The following SESN1 variants were observed in gnomAD, a reference collection of about 807,000 sequenced individuals.
The protein encoded by SESN1 is sestrin 1.
SESN1 carries 30 observed loss-of-function variants against 59.3 expected under a neutral mutation model. The observed-to-expected ratio is 0.51, with a 90% confidence interval of 0.38 to 0.69. The LOEUF (loss-of-function observed/expected upper bound fraction) is 0.69. Among genes scored for constraint, SESN1 ranks in the 30% least tolerant of loss-of-function variants. The pLI is 0.00. For missense variants in SESN1, 566 were observed against 673.0 expected, an observed-to-expected ratio of 0.84 and a Z score of 1.76; for synonymous variants, 197 against 219.9, an observed-to-expected ratio of 0.90 and a Z score of 0.92.
intron 6 of SESN1, among the ~76,000 whole-genome samples, chr6:108,994,106 C>A (rs1779449771): frequency 7.1e-6 from 1 of 141,262 alleles, no homozygotes; most frequent in Non-Finnish European, 1.5e-5. Flanking sequence ...CGCCACTGCA[C>A]TTCAGCCTGG....
At chr6:109,053,267 G>T (rs1260471972) in intron 1 of SESN1, among the ~76,000 whole-genome samples, 1 of 152,100 alleles carries the variant, frequency 6.6e-6, no homozygotes, top group East Asian at 1.9e-4. Context: ...AGAAATTGGG[G>T]CTCAGAGATA....
chr6:109,012,659 G>A (rs994979213), intron 1 of SESN1, among the ~76,000 whole-genome samples: 1 of 152,152 alleles, frequency 6.6e-6, no homozygotes, highest in African/African-American at 2.4e-5. Context: ...AGAAAATTTG[G>A]GGGAGAGTTT....
At chr6:109,030,460 C>A (rs1157461212) in intron 1 of SESN1, among the ~76,000 whole-genome samples, 2 of 152,094 alleles carry the variant, frequency 1.3e-5, no homozygotes, top group Non-Finnish European at 2.9e-5. Context: ...TCCAATGTAT[C>A]AATAGATGAG....
At chr6:109,061,774 A>G (rs1009534944) in intron 1 of SESN1, among the ~76,000 whole-genome samples, 1 of 152,236 alleles carries the variant, frequency 6.6e-6, no homozygotes, top group Non-Finnish European at 1.5e-5. Context: ...ACTGCACTCC[A>G]GCCTGGGCAA....
At chr6:109,083,631 A>C (rs1364049701) in intron 1 of SESN1, among the ~76,000 whole-genome samples, 1 of 152,222 alleles carries the variant, frequency 6.6e-6, no homozygotes, top group Non-Finnish European at 1.5e-5. Flanking sequence ...TTCAATGAGA[A>C]AGTAGATACA....
At chr6:109,001,240 G>T in intron 3 of SESN1, 48 bp downstream of exon 3, 1 of 1,494,836 alleles carries the variant, frequency 6.7e-7, no homozygotes, top group Non-Finnish European at 9.3e-7. Context: ...CTCTTAAAGA[G>T]ATTAATAAAA....
chr6:108,990,107 G>A (rs1468871904), intron 8 of SESN1, among the ~76,000 whole-genome samples: 3 of 152,212 alleles, frequency 2.0e-5, no homozygotes, highest in Non-Finnish European at 4.4e-5. Context: ...CAGAGTTTGT[G>A]TGCATGTGTG....
intron 1 of SESN1, among the ~76,000 whole-genome samples, chr6:109,062,457 T>C (rs930867471): frequency 1.3e-5 from 2 of 152,212 alleles, no homozygotes; most frequent in African/African-American, 2.4e-5. Flanking sequence ...ACTATTCAAT[T>C]TGGCTTACTC....
At chr6:108,987,806 C>CTTTTTTTTTT (rs3029194) in intron 9 of SESN1, among the ~76,000 whole-genome samples, 176 bp from the exon 10 acceptor site, 15 of 135,584 alleles carry the variant, frequency 1.1e-4, no homozygotes, top group South Asian at 2.3e-4. Context: ...CAGCAGCTAT[C>CTTTTTTTTTT]TTTTTTTTTT....
At chr6:109,053,530 G>C (rs997631747) in intron 1 of SESN1, among the ~76,000 whole-genome samples, 1 of 152,144 alleles carries the variant, frequency 6.6e-6, no homozygotes, top group African/African-American at 2.4e-5. Flanking sequence ...AAATTAAAGT[G>C]GGAACAACAG....
At chr6:109,082,117 C>T (rs1781131286) in intron 1 of SESN1, among the ~76,000 whole-genome samples, 1 of 152,156 alleles carries the variant, frequency 6.6e-6, no homozygotes, top group Admixed American at 6.5e-5. Flanking sequence ...GAGACTAACT[C>T]AGTGTAAGGG....
chr6:109,058,424 C>T (rs1780672708), intron 1 of SESN1, among the ~76,000 whole-genome samples: 1 of 152,122 alleles, frequency 6.6e-6, no homozygotes, highest in African/African-American at 2.4e-5. Context: ...CCTACGTGTG[C>T]AGTAGGCTAT....
rs150495036 is a variant in SESN1, at chr6:109,035,909, C to T, written c.280-33566G>A. 6.0e-4 allele frequency among the ~76,000 whole-genome samples: 91 copies of T among 152,280 alleles called. 1 individual carries two copies. The East Asian group carries it at 0.018, about 29-fold the overall frequency. On this transcript the variant is annotated intron_variant, in intron 1 of 9. Coordinates refer to ENST00000436639, the MANE Select transcript of SESN1 (RefSeq NM_014454.3). ...AGACGTGACCACTGCACCACTATCA[C>T]ATATTAATGATTAATAGGGACAAGC...
At chr6:109,006,218 A>T (rs1779727472) in intron 1 of SESN1, among the ~76,000 whole-genome samples, 1 of 152,236 alleles carries the variant, frequency 6.6e-6, no homozygotes, top group Non-Finnish European at 1.5e-5. Context: ...CAAGAGTCTT[A>T]GATTAATCCT....
intron 1 of SESN1, among the ~76,000 whole-genome samples, chr6:109,091,882 G>A (rs1461602000): frequency 6.6e-6 from 1 of 152,172 alleles, no homozygotes; most frequent in Non-Finnish European, 1.5e-5. Context: ...GACTACTGAT[G>A]AAAAACAGAA....
At chr6:109,012,615 T>C (rs1779877513) in intron 1 of SESN1, among the ~76,000 whole-genome samples, 2 of 152,288 alleles carry the variant, frequency 1.3e-5, no homozygotes, top group Non-Finnish European at 2.9e-5. Context: ...ACACCTGAGC[T>C]ACAGCTTAGA....
At chr6:109,005,108 C>T (rs1345665421) in intron 1 of SESN1, among the ~76,000 whole-genome samples, 1 of 152,106 alleles carries the variant, frequency 6.6e-6, no homozygotes, top group Non-Finnish European at 1.5e-5. Flanking sequence ...TTGTGAAATG[C>T]CATACGTAAA....
In SESN1 at chr6:108,988,759, C is replaced by T. The variant is rs1207958820; in HGVS notation, c.1425-72G>A. Reference sequence around the variant, plus strand: ...TGTTTTCATCTTACAAAAGTATACACATCAATAGTTAATACTGTATTTTTT... The same window carrying T: ...TGTTTTCATCTTACAAAAGTATACATATCAATAGTTAATACTGTATTTTTT... On this transcript the variant is annotated intron_variant, in intron 8 of 9. Transcript: ENST00000436639. The T allele has an allele frequency of 3.3e-6, 4 of 1,228,138 alleles. No homozygotes were observed. In the African/African-American group the frequency reaches 4.6e-5, roughly 14 times the overall value. The allele number at this position is 1,228,138 out of a possible 1,614,324, so 76.1% of individuals were successfully genotyped here.
intron 1 of SESN1, among the ~76,000 whole-genome samples, chr6:109,007,975 C>T (rs1482955090): frequency 6.6e-6 from 1 of 152,010 alleles, no homozygotes; most frequent in African/African-American, 2.4e-5. Context: ...TTGTGTTATT[C>T]TTTTTGTAAA....
Sources: gnomAD v4.1 joint callset for allele counts (sites outside exome capture counted in the v4.1 genomes callset) on GRCh38, gnomAD v4.1.1 for gene constraint, MANE v1.5 for transcripts, NCBI Gene and HGNC (gene_info 2026-07-23, HGNC 2026-07-21) for gene names.